The following INF2 variants were observed in gnomAD, a reference collection of about 807,000 sequenced individuals.
INF2 encodes inverted formin-2.
INF2 carries 43 observed loss-of-function variants against 123.5 expected under a neutral mutation model. That is an observed-to-expected ratio of 0.35 (90% CI 0.27 to 0.45). The LOEUF is 0.45. Among genes scored for constraint, INF2 ranks in the 20% least tolerant of loss-of-function variants. The pLI is 1.00. For missense variants in INF2, 1,453 were observed against 1,682.7 expected (o/e 0.86, Z 2.39); for synonymous variants, 851 against 745.0 (o/e 1.14, Z -2.32).
Position 104,707,475 on chromosome 14 carries a change from A to G in INF2, c.1208A>G (p.Glu403Gly), listed in dbSNP as rs1356183663. 76 of 1,551,962 alleles carry G rather than the reference A, an allele frequency of 4.9e-5. No individual in the cohort carries two copies. The highest frequency in any genetic ancestry group is 6.2e-5 in the Non-Finnish European group (71 of 1,148,372). Reference protein sequence around the residue: ...ACEPVDHAQSESILKVSQPRA... With the variant: ...ACEPVDHAQSGSILKVSQPRA... ...GAGCCCGTGGACCACGCCCAGAGTG[A>G]GAGCATCCTGAAAGTTTCGCAGCCC... Residue 403 changes from glutamate to glycine, a missense_variant, in exon 8 of 23, where the codon GAG becomes GGG. Glu to Gly is a moderately conservative substitution (Grantham distance 98). Coordinates refer to ENST00000392634, the MANE Select transcript of INF2 (RefSeq NM_022489.4).
chr14:104,708,936 C>A (rs1889910990), intron 10 of INF2, among the ~76,000 whole-genome samples: 2 of 152,170 alleles, frequency 1.3e-5, no homozygotes, highest in African/African-American at 4.8e-5. Flanking sequence ...GCTGGGACCT[C>A]CCCCCACAAG....
Position 104,713,004 on chromosome 14 carries a change from C to A in INF2, c.2775+12C>A. The A allele has an allele frequency of 1.2e-6, 2 of 1,611,966 alleles. No individual in the cohort carries two copies. The highest frequency in any genetic ancestry group is 1.7e-6 in the Non-Finnish European group (2 of 1,179,710). ...TCCGCGCCCTGAAGGTGGGGCAGCC[C>A]GGCGGGACACAGCCTGTCTGGCTAG... On this transcript the variant is annotated intron_variant, in intron 18 of 22. Transcript: ENST00000392634.
At chr14:104,716,188 C>CA (rs1890292481) in intron 22 of INF2, among the ~76,000 whole-genome samples, 1 of 152,210 alleles carries the variant, frequency 6.6e-6, no homozygotes, top group Non-Finnish European at 1.5e-5. Context: ...TCAGAGCCAG[C>CA]CCGGTGTCGG....
chr14:104,708,223 G>A lies in INF2; in HGVS notation c.1736-213G>A, dbSNP rs989845526. Reference sequence around the variant, plus strand: ...TGAGGACCCCCCTCCACATGCTCCCGTGAGCCAGTGCATCTGGGGTGCCAT... The same window carrying A: ...TGAGGACCCCCCTCCACATGCTCCCATGAGCCAGTGCATCTGGGGTGCCAT... On this transcript the variant is annotated intron_variant, in intron 8 of 22. Transcript: ENST00000392634. 5.9e-5 allele frequency: 51 copies of A among 866,330 alleles called. 1 individual carries two copies. The highest frequency in any genetic ancestry group is 7.7e-5 in the Non-Finnish European group (44 of 571,464). The allele number at this position is 866,330 out of a possible 1,614,324, so 53.7% of individuals were successfully genotyped here.
At chr14:104,703,548 A>G in intron 4 of INF2, 94 bp downstream of exon 4, 7 of 1,525,210 alleles carry the variant, frequency 4.6e-6, no homozygotes, top group Non-Finnish European at 6.3e-6. Flanking sequence ...GGAGCGCCAC[A>G]AAAGCTGCCC....
At chr14:104,681,565 T>C (rs1728086364) in exon 1 of INF2, 12 of 1,288,918 alleles carry the variant, frequency 9.3e-6, no homozygotes, top group African/African-American at 1.5e-5. Flanking sequence ...TCCACTTCAA[T>C]TGGAAAATAT....
At chr14:104,702,601 C>T (rs1309499308) in intron 2 of INF2, among the ~76,000 whole-genome samples, 4 of 152,244 alleles carry the variant, frequency 2.6e-5, no homozygotes, top group African/African-American at 4.8e-5. Flanking sequence ...AGAGGCGCCT[C>T]GTTTCTGTCG....
chr14:104,720,224 A>T lies in INF2; in HGVS notation c.*1431A>T, dbSNP rs1261813243. 1 of 155,318 alleles carries T rather than the reference A, an allele frequency of 6.4e-6. No homozygotes were observed. The highest frequency in any genetic ancestry group is 1.4e-5 in the Non-Finnish European group (1 of 70,120). The allele number at this position is 155,318 out of a possible 1,614,324, so 9.6% of individuals were successfully genotyped here. ...TCATTCCATTTCATGGCTGAAGCAC[A>T]TTCCATTGCATGCAGGGACCACATT... On this transcript the variant is annotated 3_prime_UTR_variant, in exon 23 of 23. Coordinates refer to ENST00000392634, the MANE Select transcript of INF2 (RefSeq NM_022489.4).
rs980342866 is a variant in INF2, at chr14:104,699,501, G to T, written c.-9-1856G>T. 6.1e-6 allele frequency: 6 copies of T among 985,222 alleles called. No individual in the cohort carries two copies. Among genetic ancestry groups the T allele is most frequent in the Non-Finnish European group, 7.2e-6 (6 of 829,906 alleles). The allele number at this position is 985,222 out of a possible 1,614,324, so 61.0% of individuals were successfully genotyped here. A position where few individuals can be genotyped will look rare whatever the true frequency, so the allele number is the denominator to read the frequency against. Reference sequence around the variant, plus strand: ...ACCCGGCTGTCTCTGGCAGCTCAGCGGTCAGCAGCGATGAGAAGCCAGGGG... The same window carrying T: ...ACCCGGCTGTCTCTGGCAGCTCAGCTGTCAGCAGCGATGAGAAGCCAGGGG... On this transcript the variant is annotated intron_variant, in intron 1 of 22. Coordinates refer to ENST00000392634, the MANE Select transcript of INF2 (RefSeq NM_022489.4). The surrounding 1 kb of genome is among the most constrained non-coding windows in gnomAD (Gnocchi z 4.7).
chr14:104,714,062 C>T, intron 20 of INF2, 141 bp from the exon 21 acceptor site: 12 of 723,266 alleles, frequency 1.7e-5, no homozygotes, highest in Non-Finnish European at 2.2e-5. Context: ...GAGGCCGGGT[C>T]CTGCTCTGAG....
intron 8 of INF2, 86 bp from the exon 9 acceptor site, chr14:104,708,350 C>A (rs1335368542): frequency 3.9e-6 from 6 of 1,538,334 alleles, no homozygotes; most frequent in Non-Finnish European, 5.3e-6. Flanking sequence ...ATCCTTTAGA[C>A]CCTCTGGGAG....
At position 104,718,899 on chromosome 14, in the gene INF2, C is replaced by G. The variant is rs1009104671; in HGVS notation, c.*106C>G. 2.2e-5 allele frequency: 34 copies of G among 1,553,690 alleles called. No individual in the cohort carries two copies. Among genetic ancestry groups the G allele is most frequent in the Non-Finnish European group, 2.9e-5 (34 of 1,157,274 alleles). On this transcript the variant is annotated 3_prime_UTR_variant, in exon 23 of 23. Coordinates refer to ENST00000392634, the MANE Select transcript of INF2 (RefSeq NM_022489.4). The stretch of plus-strand genomic sequence containing the variant: ...TGGGGGCCAGGCTGGGACTGGGCCC[C>G]GGAAACCAAAACTCCGTGCCTTACC...
intron 10 of INF2, 83 bp from the exon 11 acceptor site, chr14:104,709,198 C>A: frequency 9.2e-7 from 1 of 1,082,122 alleles, no homozygotes; most frequent in Non-Finnish European, 1.4e-6. Context: ...CGTGGGGAAA[C>A]CCTGCCAGGT....
In INF2 at chr14:104,703,447, G is replaced by A. The variant is rs1299708161; in HGVS notation, c.660G>A (p.Glu220=). Residue 220 remains glutamate, a synonymous_variant, in exon 4 of 23, where the codon GAG becomes GAA. Transcript: ENST00000392634. ...GCGCGCGCACCCAGCTGCGGAACGA[G>A]TTTATCGGTAAGCACCTGCCCTGGG... ...DLRARTQLRN[E]FIGLQLLDVL... 3.1e-6 allele frequency: 5 copies of A among 1,612,082 alleles called. No individual in the cohort carries two copies. Among genetic ancestry groups the A allele is most frequent in the Non-Finnish European group, 4.2e-6 (5 of 1,179,884 alleles).
intron 20 of INF2, 50 bp downstream of exon 20, chr14:104,713,656 A>G: frequency 6.3e-7 from 1 of 1,580,750 alleles, no homozygotes. Context: ...CACTGTCCCT[A>G]CCCTGTGCCT....
chr14:104,704,251 C>T (rs1367968326), intron 5 of INF2: 6 of 1,206,380 alleles, frequency 5.0e-6, no homozygotes, highest in Non-Finnish European at 6.6e-6. Flanking sequence ...GTGAACCAAC[C>T]CAGAAACAGA....
intron 1 of INF2, among the ~76,000 whole-genome samples, chr14:104,692,200 C>T: frequency 6.6e-6 from 1 of 152,186 alleles, no homozygotes; most frequent in East Asian, 1.9e-4. Context: ...GGGGTCCCTC[C>T]GCACGGTCTC....
intron 22 of INF2, among the ~76,000 whole-genome samples, chr14:104,716,303 A>T (rs746062682): frequency 6.6e-6 from 1 of 152,148 alleles, no homozygotes; most frequent in Non-Finnish European, 1.5e-5. Context: ...GACCCCGGAG[A>T]AGCTTCTCCG....
rs774258936 is a variant in INF2 at position 104,701,458 on chromosome 14, G to A, written c.93G>A (p.Glu31=). 23 of 1,599,312 alleles carry A rather than the reference G, an allele frequency of 1.4e-5. No homozygotes were observed. Among genetic ancestry groups the A allele is most frequent in the Admixed American group, 6.8e-5 (4 of 58,544 alleles). The change falls in exon 2 of 23, where the codon GAG becomes GAA. Residue 31 remains glutamate (E), a synonymous_variant. Coordinates refer to ENST00000392634, the MANE Select transcript of INF2 (RefSeq NM_022489.4). ...QDSDPTEANL[E]SADPELCIRL... Reference sequence around the variant, plus strand: ...CGGACCCCACGGAGGCCAACCTGGAGAGCGCGGACCCCGAGCTGTGCATCC... The same window carrying A: ...CGGACCCCACGGAGGCCAACCTGGAAAGCGCGGACCCCGAGCTGTGCATCC...
Sources: allele counts gnomAD v4.1 joint callset (sites outside exome capture counted in the v4.1 genomes callset), GRCh38; gene constraint gnomAD v4.1.1; non-coding constraint Gnocchi (gnomAD v3.1); transcripts MANE v1.5; gene names NCBI Gene and HGNC (gene_info 2026-07-23, HGNC 2026-07-21).